Variants in SORCS1 observed in about 807,000 individuals in gnomAD.
The protein encoded by SORCS1 is sortilin related VPS10 domain containing receptor 1.
Under a neutral mutation model 146.1 loss-of-function variants are expected in SORCS1, and 60 were observed. The ratio of observed to expected loss-of-function variants is 0.41; its 90% CI spans 0.33 to 0.51. The LOEUF (loss-of-function observed/expected upper bound fraction) is 0.51. SORCS1 is among the 20% of genes least tolerant of loss of function. The probability of loss-of-function intolerance (pLI) is 0.21; values close to 1 mark genes in which losing one functional copy is unlikely to be tolerated. For synonymous variants in SORCS1, 637 were observed against 584.0 expected (o/e 1.09, Z -1.31); for missense variants, 1,352 against 1,487.6 (o/e 0.91, Z 1.50).
Position 106,992,464 on chromosome 10 carries a change from T to C in SORCS1, c.559-35884A>G, listed in dbSNP as rs561375307. Among the ~76,000 whole-genome samples, 5 of 152,248 alleles carry C rather than the reference T, an allele frequency of 3.3e-5. No individual in the cohort carries two copies. In the South Asian group the frequency reaches 8.3e-4, roughly 25 times the overall value. On this transcript the variant is annotated intron_variant, in intron 1 of 25. Transcript: ENST00000263054. ...TGATCTATATTGCAGACCCCCTTTT[T>C]CTAGTCCACTCTAAAATCCAACTAA...
intron 2 of SORCS1, among the ~76,000 whole-genome samples, chr10:106,863,932 C>T (rs1197704475): frequency 2.0e-5 from 3 of 151,914 alleles, no homozygotes; most frequent in African/African-American, 2.4e-5. Context: ...TAGACGAAAA[C>T]ACTCAGATTC....
chr10:106,959,039 T>C (rs1235051504), intron 1 of SORCS1, among the ~76,000 whole-genome samples: 1 of 152,132 alleles, frequency 6.6e-6, no homozygotes, highest in African/African-American at 2.4e-5. Flanking sequence ...ACAGGCTGTG[T>C]CTCCCATTCT....
intron 1 of SORCS1, among the ~76,000 whole-genome samples, chr10:107,030,188 A>C (rs1389192265): frequency 6.6e-6 from 1 of 152,176 alleles, no homozygotes; most frequent in Non-Finnish European, 1.5e-5. Flanking sequence ...TCCACATTCA[A>C]TACTTAAGTA....
chr10:106,674,762 C>T (rs1327490444), intron 14 of SORCS1, among the ~76,000 whole-genome samples: 1 of 152,178 alleles, frequency 6.6e-6, no homozygotes, highest in Non-Finnish European at 1.5e-5. Context: ...AGATTTTCTA[C>T]ATATCCAGGT....
intron 19 of SORCS1, among the ~76,000 whole-genome samples, chr10:106,628,191 T>C (rs1036954898): frequency 2.6e-5 from 4 of 152,178 alleles, no homozygotes; most frequent in Non-Finnish European, 4.4e-5. Context: ...GAGATCAGAA[T>C]TACTGACATG....
At chr10:107,151,171 G>A (rs1480344513) in intron 1 of SORCS1, among the ~76,000 whole-genome samples, 1 of 152,104 alleles carries the variant, frequency 6.6e-6, no homozygotes, top group Non-Finnish European at 1.5e-5. Flanking sequence ...GGGGAAGTTT[G>A]GAGCTTCCTA....
chr10:106,947,707 C>A (rs822082), intron 2 of SORCS1, among the ~76,000 whole-genome samples: 3,476 of 152,284 alleles, frequency 0.023, 100 homozygotes, highest in South Asian at 0.11. Flanking sequence ...TTAGCCGGGC[C>A]TGGTGGCAGG....
At chr10:106,931,061 G>A (rs369777786) in intron 2 of SORCS1, among the ~76,000 whole-genome samples, 15 of 152,160 alleles carry the variant, frequency 9.9e-5, no homozygotes, top group African/African-American at 3.4e-4. Context: ...ACCACATGCT[G>A]TGGAGTTGAA....
chr10:106,974,792 A>G (rs1955925883), intron 1 of SORCS1, among the ~76,000 whole-genome samples: 1 of 152,234 alleles, frequency 6.6e-6, no homozygotes. Context: ...CTGCTCTATT[A>G]TCCCAGCTTT....
rs137908994 is a variant in SORCS1 at position 106,704,749 on chromosome 10, C to A, written c.1233+1796G>T. On this transcript the variant is annotated intron_variant, in intron 8 of 25. Transcript: ENST00000263054. ...AAAAAACAGTTTATTCCCAAGAGTGCGCATAAGATGAGGATATGGTCTCCA... is the reference window on the plus strand; with the variant it reads ...AAAAAACAGTTTATTCCCAAGAGTGAGCATAAGATGAGGATATGGTCTCCA... Among the ~76,000 whole-genome samples, 262 of 152,156 alleles carry A rather than the reference C, an allele frequency of 1.7e-3. 2 individuals are homozygous for A. The highest frequency in any genetic ancestry group is 6.1e-3 in the African/African-American group (252 of 41,520).
chr10:107,175,864 T>C, the SORCS1 span, among the ~76,000 whole-genome samples: 3 of 152,232 alleles, frequency 2.0e-5, no homozygotes, highest in Admixed American at 6.5e-5. Flanking sequence ...CATTTTGCTA[T>C]CTGTTAGATC....
intron 5 of SORCS1, among the ~76,000 whole-genome samples, chr10:106,747,069 T>C (rs1857796457): frequency 6.6e-6 from 1 of 152,224 alleles, no homozygotes; most frequent in Non-Finnish European, 1.5e-5. Flanking sequence ...GTAGTATTTG[T>C]CTTCTGGGAT....
intron 6 of SORCS1, among the ~76,000 whole-genome samples, chr10:106,716,710 C>A (rs1004185285): frequency 6.6e-6 from 1 of 152,170 alleles, no homozygotes; most frequent in South Asian, 2.1e-4. Flanking sequence ...TTAGACAAAC[C>A]TTTCCATCCC....
At chr10:106,907,926 G>A (rs1951981456) in intron 2 of SORCS1, among the ~76,000 whole-genome samples, 1 of 151,762 alleles carries the variant, frequency 6.6e-6, no homozygotes, top group African/African-American at 2.4e-5. Context: ...CACATATACA[G>A]AAACTCTATT....
intron 2 of SORCS1, among the ~76,000 whole-genome samples, chr10:106,944,871 CTTCTTTTTTTTTTTTTTTTT>C (rs1386138474): frequency 1.6e-5 from 1 of 61,024 alleles, no homozygotes; most frequent in African/African-American, 4.5e-5. Context: ...AAGAAAGAGC[CTTCTTTTTTTTTTTTTTTTT>C]TTTTTTTTTT....
chr10:106,861,818 G>C (rs1950026547), intron 2 of SORCS1, among the ~76,000 whole-genome samples: 1 of 152,188 alleles, frequency 6.6e-6, no homozygotes, highest in African/African-American at 2.4e-5. Context: ...GAACCTGGGA[G>C]GCAGAGGCTG....
chr10:107,066,923 G>A (rs1273980360), intron 1 of SORCS1, among the ~76,000 whole-genome samples: 5 of 152,190 alleles, frequency 3.3e-5, no homozygotes, highest in African/African-American at 1.2e-4. Context: ...TAATACTAGA[G>A]GTGGGATTAT....
At chr10:106,785,990 C>T (rs1043997036) in intron 3 of SORCS1, among the ~76,000 whole-genome samples, 10 of 152,210 alleles carry the variant, frequency 6.6e-5, no homozygotes, top group African/African-American at 2.4e-4. Flanking sequence ...ACATCATCTG[C>T]TGCTTTCCTC....
At chr10:107,148,586 G>T (rs1007273615) in intron 1 of SORCS1, among the ~76,000 whole-genome samples, 1 of 152,176 alleles carries the variant, frequency 6.6e-6, no homozygotes, top group Non-Finnish European at 1.5e-5. Context: ...AATCCTACCT[G>T]CAACAAAAGA....
Sources: gnomAD v4.1 joint callset for allele counts (sites outside exome capture counted in the v4.1 genomes callset) on GRCh38, gnomAD v4.1.1 for gene constraint, MANE v1.5 for transcripts, NCBI Gene and HGNC (gene_info 2026-07-23, HGNC 2026-07-21) for gene names.